The following PDE6C variants were observed in gnomAD, a reference collection of about 807,000 sequenced individuals.
PDE6C encodes the protein cone cGMP-specific 3',5'-cyclic phosphodiesterase subunit alpha'.
PDE6C carries 75 observed loss-of-function variants against 113.1 expected under a neutral mutation model. That is an observed-to-expected ratio of 0.66 (90% CI 0.55 to 0.80). The LOEUF (loss-of-function observed/expected upper bound fraction) is 0.80. Ranked by LOEUF, PDE6C falls within the 30% of genes least tolerant of loss-of-function variation. The pLI, the probability that PDE6C is intolerant of heterozygous loss-of-function variation, is 0.00. For synonymous variants in PDE6C, 375 were observed against 363.7 expected (o/e 1.03, Z -0.35); for missense variants, 912 against 1,038.6 (o/e 0.88, Z 1.67).
rs1239184049 is a variant in PDE6C, at chr10:93,657,399, GTC to G, written c.2037-1496_2037-1495del. On this transcript the variant is annotated intron_variant, in intron 16 of 21. Transcript: ENST00000371447. ...GGGTTTCACCATGTTGGCCAGGATG[GTC>G]TCTCTATCTCCTGACCTCGTGATCC... 5.9e-5 allele frequency among the ~76,000 whole-genome samples: 8 copies of G among 136,750 alleles called. No individual in the cohort carries two copies. In the East Asian group the frequency reaches 1.5e-3, roughly 26 times the overall value. 89.7% of individuals were successfully genotyped at this position (136,750 alleles called of 152,430 possible). A position where few individuals can be genotyped will look rare whatever the true frequency, so the allele number is the denominator to read the frequency against.
chr10:93,638,456 C>G (rs1192299119), intron 11 of PDE6C, among the ~76,000 whole-genome samples: 3 of 152,146 alleles, frequency 2.0e-5, no homozygotes, highest in Non-Finnish European at 4.4e-5. Flanking sequence ...CTTCTCCCCA[C>G]CTGCCCTCAA....
intron 4 of PDE6C, among the ~76,000 whole-genome samples, chr10:93,623,972 T>G (rs950670665): frequency 1.3e-4 from 20 of 152,054 alleles, no homozygotes; most frequent in Non-Finnish European, 2.9e-4. Context: ...ACATCTCTCT[T>G]ATCAATTGTG....
intron 18 of PDE6C, among the ~76,000 whole-genome samples, chr10:93,659,893 A>G (rs1369639205): frequency 2.0e-5 from 3 of 152,208 alleles, no homozygotes; most frequent in African/African-American, 7.2e-5. Context: ...CTCTTCTTCA[A>G]TGTGCTGTGA....
chr10:93,640,607 G>C, intron 13 of PDE6C, 50 bp downstream of exon 13: 1 of 1,228,662 alleles, frequency 8.1e-7, no homozygotes, highest in Non-Finnish European at 1.2e-6. Flanking sequence ...TTTCCCATTT[G>C]AGCATGATGA....
chr10:93,654,804 TTC>T lies in PDE6C; in HGVS notation c.1936-954_1936-953del, dbSNP rs1185214318. 1.7e-4 allele frequency among the ~76,000 whole-genome samples: 14 copies of T among 83,694 alleles called. 1 individual carries two copies. Among genetic ancestry groups the T allele is most frequent in the Admixed American group, 3.0e-4 (2 of 6,628 alleles). 54.9% of individuals were successfully genotyped at this position (83,694 alleles called of 152,430 possible). ...TTTCTTTCTTTCTTTCTTTCTTTCT[TTC>T]TTTCTTTTTTTTTTTTTTTGAAACA... On this transcript the variant is annotated intron_variant, in intron 15 of 21. Coordinates refer to ENST00000371447, the MANE Select transcript of PDE6C (RefSeq NM_006204.4).
At chr10:93,620,004 A>C (rs1254937271) in intron 1 of PDE6C, among the ~76,000 whole-genome samples, 1 of 152,152 alleles carries the variant, frequency 6.6e-6, no homozygotes, top group Non-Finnish European at 1.5e-5. Context: ...AGTCCCTAAG[A>C]CATTGTTAAG....
chr10:93,616,429 T>G (rs995843624), intron 1 of PDE6C, among the ~76,000 whole-genome samples: 1 of 152,168 alleles, frequency 6.6e-6, no homozygotes. Context: ...TCCATGTCTG[T>G]GACGTAGTAA....
At chr10:93,649,250 C>T (rs1004610606) in intron 15 of PDE6C, among the ~76,000 whole-genome samples, 2 of 152,126 alleles carry the variant, frequency 1.3e-5, no homozygotes, top group African/African-American at 2.4e-5. Flanking sequence ...GTCTAGTGCA[C>T]CTGTCTCCAC....
intron 1 of PDE6C, among the ~76,000 whole-genome samples, chr10:93,618,331 C>T (rs141443957): frequency 1.3e-5 from 2 of 152,124 alleles, no homozygotes; most frequent in East Asian, 3.9e-4. Context: ...ATTCTATCTT[C>T]ACATCAGGAA....
intron 11 of PDE6C, among the ~76,000 whole-genome samples, chr10:93,637,778 A>G (rs933523108): frequency 3.0e-4 from 46 of 152,204 alleles, no homozygotes; most frequent in African/African-American, 1.1e-3. Flanking sequence ...TACCAGAATC[A>G]CCTGTAGATC....
chr10:93,661,442 T>TA (rs1315810822), intron 18 of PDE6C, among the ~76,000 whole-genome samples: 1 of 152,170 alleles, frequency 6.6e-6, no homozygotes, highest in East Asian at 1.9e-4. Flanking sequence ...CCATAGCACT[T>TA]ACACTATTAT....
chr10:93,636,904 A>G lies in PDE6C; in HGVS notation c.1414-91A>G. 5.2e-6 allele frequency: 4 copies of G among 771,794 alleles called. No individual in the cohort carries two copies. In the Admixed American group the frequency reaches 5.8e-5, roughly 11 times the overall value. 47.8% of individuals were successfully genotyped at this position (771,794 alleles called of 1,614,324 possible). A position where few individuals can be genotyped will look rare whatever the true frequency, so the allele number is the denominator to read the frequency against. On this transcript the variant is annotated intron_variant, in intron 10 of 21. Coordinates refer to ENST00000371447, the MANE Select transcript of PDE6C (RefSeq NM_006204.4). ...CGCCTCTTCCTCCCACATATTTTAA[A>G]TATATCTTAACTAAGATTGTAATAG...
At chr10:93,658,169 C>CAAAAAAAAAAAAAAAAAA (rs71031527) in intron 16 of PDE6C, among the ~76,000 whole-genome samples, 25 of 59,848 alleles carry the variant, frequency 4.2e-4, no homozygotes, top group Non-Finnish European at 5.6e-4. Flanking sequence ...GATTCTGTCT[C>CAAAAAAAAAAAAAAAAAA]AAAAAAAAAA....
chr10:93,626,773 T>C (rs1158157320), intron 6 of PDE6C, 32 bp from the exon 7 acceptor site: 2 of 1,607,560 alleles, frequency 1.2e-6, no homozygotes, highest in African/African-American at 1.3e-5. Flanking sequence ...TTTCTCTATA[T>C]TGCAATGATT....
At chr10:93,655,610 CAAA>C in intron 15 of PDE6C, 147 bp from the exon 16 acceptor site, 3,091 of 321,356 alleles carry the variant, frequency 9.6e-3, no homozygotes, top group East Asian at 0.013. Context: ...AAAAGCAAGC[CAAA>C]AAAAAAAAAA....
intron 1 of PDE6C, among the ~76,000 whole-genome samples, chr10:93,616,814 C>T (rs921883484): frequency 1.3e-5 from 2 of 152,112 alleles, no homozygotes; most frequent in African/African-American, 4.8e-5. Context: ...CCACCATGCC[C>T]AGCTAATTTT....
intron 15 of PDE6C, among the ~76,000 whole-genome samples, chr10:93,654,791 T>TTTCTTTCTTTCTTTCTTTCTTTCTTTCC (rs1564804779): frequency 2.9e-5 from 3 of 104,514 alleles, no homozygotes; most frequent in Admixed American, 2.3e-4. Context: ...TCTTTCTTTC[T>TTTCTTTCTTTCTTTCTTTCTTTCTTTCC]TTCTTTCTTT....
chr10:93,625,643 T>C lies in PDE6C; in HGVS notation c.933T>C (p.Asp311=). 6.2e-7 allele frequency: 1 copy of C among 1,610,400 alleles called. No homozygotes were observed. The highest frequency in any genetic ancestry group is 8.5e-7 in the Non-Finnish European group (1 of 1,176,594). Residue 311 remains aspartate, a synonymous_variant, in exon 5 of 22, where the codon GAT becomes GAC. Coordinates refer to ENST00000371447, the MANE Select transcript of PDE6C (RefSeq NM_006204.4). The part of the protein sequence containing the change: ...VEPYKGPKTP[D]GREVNFYKII... ...CTTATAAAGGTCCAAAGACACCTGA[T>C]GGCAGGGTACGTGCAAATGTCTTCC...
chr10:93,622,668 T>G (rs1290906039), intron 4 of PDE6C, among the ~76,000 whole-genome samples: 122 of 139,568 alleles, frequency 8.7e-4, no homozygotes, highest in South Asian at 1.1e-3. Flanking sequence ...TTTTGTTGTT[T>G]TTTTTTTTTT....
Sources: allele counts gnomAD v4.1 joint callset (sites outside exome capture counted in the v4.1 genomes callset), GRCh38; gene constraint gnomAD v4.1.1; transcripts MANE v1.5; gene names NCBI Gene and HGNC (gene_info 2026-07-23, HGNC 2026-07-21).